Variants in RAPGEF2 observed in about 807,000 individuals in gnomAD.
RAPGEF2 encodes the protein Rap guanine nucleotide exchange factor 2.
RAPGEF2 carries 54 observed loss-of-function variants against 186.7 expected under a neutral mutation model. That is an observed-to-expected ratio of 0.29 (90% CI 0.23 to 0.36). The LOEUF (loss-of-function observed/expected upper bound fraction) is 0.36, where lower values mean the gene tolerates loss of function less well. Ranked by LOEUF, RAPGEF2 falls within the 10% of genes least tolerant of loss-of-function variation. The pLI, the probability that RAPGEF2 is intolerant of heterozygous loss-of-function variation, is 1.00. For missense variants in RAPGEF2, 1,532 were observed against 2,045.0 expected (o/e 0.75, Z 4.84); for synonymous variants, 712 against 705.9 (o/e 1.01, Z -0.14).
intron 28 of RAPGEF2, among the ~76,000 whole-genome samples, chr4:159,355,254 A>G (rs2111346842): frequency 6.6e-6 from 1 of 152,336 alleles, no homozygotes; most frequent in East Asian, 1.9e-4. Context: ...TTTAAGAAAA[A>G]TAGACACCTT....
intron 28 of RAPGEF2, among the ~76,000 whole-genome samples, chr4:159,354,503 G>A (rs866109739): frequency 1.3e-5 from 2 of 152,082 alleles, no homozygotes; most frequent in Non-Finnish European, 2.9e-5. Context: ...TATTCTGCAC[G>A]CACATTGTTG....
chr4:159,246,731 T>C (rs747844624), intron 7 of RAPGEF2, among the ~76,000 whole-genome samples: 5 of 152,228 alleles, frequency 3.3e-5, no homozygotes, highest in Non-Finnish European at 7.4e-5. Context: ...AAGTAGGCAA[T>C]ATTTTTACTC....
intron 1 of RAPGEF2, among the ~76,000 whole-genome samples, chr4:159,116,058 A>C (rs1449408128): frequency 6.6e-6 from 1 of 152,242 alleles, no homozygotes; most frequent in East Asian, 1.9e-4. Flanking sequence ...CGTCAAAAGC[A>C]ATTGCAGCAA....
intron 8 of RAPGEF2, among the ~76,000 whole-genome samples, chr4:159,311,470 C>A (rs1244364679): frequency 6.6e-6 from 1 of 152,012 alleles, no homozygotes; most frequent in Middle Eastern, 3.2e-3. Context: ...AGAAAGTATC[C>A]CCTTGAGGAA....
At chr4:159,117,504 ACT>A (rs1579225196) in intron 1 of RAPGEF2, among the ~76,000 whole-genome samples, 2 of 150,504 alleles carry the variant, frequency 1.3e-5, no homozygotes, top group African/African-American at 4.9e-5. Context: ...GTTAGAGAAA[ACT>A]CTGTGGGAGG....
intron 1 of RAPGEF2, among the ~76,000 whole-genome samples, chr4:159,120,719 G>T (rs142850904): frequency 1.3e-5 from 2 of 152,224 alleles, no homozygotes; most frequent in African/African-American, 4.8e-5. Context: ...TACAACATAT[G>T]CCTGAATTTG....
intron 10 of RAPGEF2, among the ~76,000 whole-genome samples, chr4:159,323,164 A>G (rs998252777): frequency 6.6e-6 from 1 of 152,240 alleles, no homozygotes; most frequent in Admixed American, 6.5e-5. Context: ...TTTTGTCTAC[A>G]TGAGCTTTGG....
intron 1 of RAPGEF2, among the ~76,000 whole-genome samples, chr4:159,152,250 G>A (rs1743627455): frequency 6.6e-6 from 1 of 152,100 alleles, no homozygotes; most frequent in East Asian, 1.9e-4. Context: ...TGTGTGGGAG[G>A]CAGAGTCTGC....
chr4:159,157,375 T>C (rs1361630797), intron 1 of RAPGEF2, among the ~76,000 whole-genome samples: 1 of 152,218 alleles, frequency 6.6e-6, no homozygotes, highest in Non-Finnish European at 1.5e-5. Context: ...CTAACAGGGC[T>C]ACTGCTAAGC....
At chr4:159,123,675 C>T (rs1017835356) in intron 1 of RAPGEF2, among the ~76,000 whole-genome samples, 4 of 151,342 alleles carry the variant, frequency 2.6e-5, no homozygotes, top group Non-Finnish European at 5.9e-5. Flanking sequence ...CCCACCACCG[C>T]GCCCGGCTAA....
chr4:159,106,872 G>A (rs1345941112), intron 1 of RAPGEF2, among the ~76,000 whole-genome samples: 3 of 152,176 alleles, frequency 2.0e-5, no homozygotes, highest in Non-Finnish European at 4.4e-5. Flanking sequence ...CTAGGGGTGG[G>A]AAGAGTACCA....
chr4:159,253,281 T>C (rs190038190), intron 7 of RAPGEF2, among the ~76,000 whole-genome samples: 23 of 152,374 alleles, frequency 1.5e-4, no homozygotes, highest in Admixed American at 3.9e-4. Context: ...TGCCTTACTC[T>C]CTTTTATTAA....
intron 1 of RAPGEF2, among the ~76,000 whole-genome samples, chr4:159,181,634 G>A (rs1747021803): frequency 6.8e-6 from 1 of 146,634 alleles, no homozygotes; most frequent in Non-Finnish European, 1.5e-5. Context: ...CTGGAGTGCA[G>A]TGGCACAATC....
intron 1 of RAPGEF2, among the ~76,000 whole-genome samples, chr4:159,155,788 T>A (rs989427095): frequency 2.6e-5 from 4 of 152,064 alleles, no homozygotes; most frequent in African/African-American, 9.7e-5. Context: ...TTTTTAAACA[T>A]TTATTTTTAA....
At chr4:159,277,067 T>TC (rs1231507833) in intron 7 of RAPGEF2, among the ~76,000 whole-genome samples, 1 of 127,304 alleles carries the variant, frequency 7.9e-6, no homozygotes. Flanking sequence ...ATGCTATCCC[T>TC]CCCCCCTCCC....
At chr4:159,350,400 G>A in intron 26 of RAPGEF2, 111 bp downstream of exon 26, 1 of 933,180 alleles carries the variant, frequency 1.1e-6, no homozygotes, top group Non-Finnish European at 1.5e-6. Context: ...CATTTAAGAT[G>A]AGCTCATTTG....
intron 7 of RAPGEF2, among the ~76,000 whole-genome samples, chr4:159,298,473 GATTAT>G (rs1762282926): frequency 6.6e-6 from 1 of 152,124 alleles, no homozygotes; most frequent in African/African-American, 2.4e-5. Flanking sequence ...AAGATGATCA[GATTAT>G]AAACTGGTCT....
At chr4:159,298,438 A>G (rs1401497585) in intron 7 of RAPGEF2, among the ~76,000 whole-genome samples, 1 of 152,168 alleles carries the variant, frequency 6.6e-6, no homozygotes, top group Non-Finnish European at 1.5e-5. Flanking sequence ...TTGTGTTCTT[A>G]CAGAGATAGG....
chr4:159,152,038 T>C (rs1204898845), intron 1 of RAPGEF2, among the ~76,000 whole-genome samples: 1 of 152,176 alleles, frequency 6.6e-6, no homozygotes, highest in Non-Finnish European at 1.5e-5. Context: ...AAATAATAAA[T>C]GGGCCAGATG....
Sources: allele counts gnomAD v4.1 joint callset (sites outside exome capture counted in the v4.1 genomes callset), GRCh38; gene constraint gnomAD v4.1.1; transcripts MANE v1.5; gene names NCBI Gene and HGNC (gene_info 2026-07-23, HGNC 2026-07-21).